STAG1: variants seen among roughly 807,000 people sequenced by gnomAD.
The protein encoded by STAG1 is cohesin subunit SA-1.
A neutral mutation model predicts 170.9 loss-of-function variants in STAG1; 26 were observed. The observed-to-expected ratio is 0.15, with a 90% CI of 0.11 to 0.21. The LOEUF (loss-of-function observed/expected upper bound fraction) is 0.21, where lower values mean the gene tolerates loss of function less well. Among genes scored for constraint, STAG1 ranks in the 10% least tolerant of loss-of-function variants. The probability of loss-of-function intolerance (pLI) is 1.00; values close to 1 mark genes in which losing one functional copy is unlikely to be tolerated. For synonymous variants in STAG1, 514 were observed against 497.7 expected, an observed-to-expected ratio of 1.03 and a Z score of -0.44; for missense variants, 964 against 1,509.5, an observed-to-expected ratio of 0.64 and a Z score of 5.99.
chr3:136,388,826 T>C (rs567073009), intron 22 of STAG1, among the ~76,000 whole-genome samples: 2 of 152,366 alleles, frequency 1.3e-5, no homozygotes, highest in East Asian at 1.9e-4. Flanking sequence ...CAGGATAAGA[T>C]ACCCATTTCT....
At chr3:136,727,741 G>A (rs1933768339) in intron 1 of STAG1, among the ~76,000 whole-genome samples, 1 of 152,126 alleles carries the variant, frequency 6.6e-6, no homozygotes, top group African/African-American at 2.4e-5. Flanking sequence ...AAAATGACCT[G>A]AGAATTACAT....
intron 1 of STAG1, among the ~76,000 whole-genome samples, chr3:136,674,680 T>C (rs1417945195): frequency 6.6e-6 from 1 of 152,242 alleles, no homozygotes; most frequent in Non-Finnish European, 1.5e-5. Context: ...AAAATAAGTA[T>C]CCTGATTGTG....
chr3:136,638,200 C>T (rs1940653205), intron 1 of STAG1, among the ~76,000 whole-genome samples: 1 of 151,266 alleles, frequency 6.6e-6, no homozygotes, highest in Admixed American at 6.6e-5. Context: ...GATCTCAGAT[C>T]TCAGCTCACT....
At position 136,604,476 on chromosome 3, in the gene STAG1, G is replaced by GA. The variant is rs1302672573; in HGVS notation, c.133-4dup. Reference sequence around the variant, plus strand: ...TTTCGAGGTTTCTTATTTGTAGACTGAAAAAAAGATAAAAAAAGATTCCAT... The same window carrying GA: ...TTTCGAGGTTTCTTATTTGTAGACTGAAAAAAAAGATAAAAAAAGATTCCAT... On this transcript the variant is annotated splice_region_variant and splice_polypyrimidine_tract_variant and intron_variant, in intron 3 of 33. Coordinates refer to ENST00000383202, the MANE Select transcript of STAG1 (RefSeq NM_005862.3). The GA allele has an allele frequency of 7.0e-6, 11 of 1,580,856 alleles. No individual in the cohort carries two copies. The highest frequency in any genetic ancestry group is 2.4e-5 in the South Asian group (2 of 85,000).
chr3:136,432,524 G>C (rs557821002), intron 16 of STAG1, among the ~76,000 whole-genome samples: 6 of 143,072 alleles, frequency 4.2e-5, no homozygotes, highest in South Asian at 4.9e-4. Flanking sequence ...TGGGGGGGGG[G>C]GGGCACAGAG....
At chr3:136,717,612 G>A (rs1163022141) in intron 1 of STAG1, among the ~76,000 whole-genome samples, 8 of 152,038 alleles carry the variant, frequency 5.3e-5, no homozygotes, top group South Asian at 2.1e-4. Flanking sequence ...TGCAGTGAGC[G>A]GAGATCGTGC....
rs970893245 is a variant in STAG1, at chr3:136,462,959, G to C, written c.1313+1922C>G. ...ATCTCATAAGTTTATTTTTCTCTCT[G>C]AAACTACAGAAGCAACAAATTATTT... On this transcript the variant is annotated intron_variant, in intron 13 of 33. Transcript: ENST00000383202. 2.0e-5 allele frequency among the ~76,000 whole-genome samples: 3 copies of C among 151,986 alleles called. No individual in the cohort carries two copies. The East Asian group carries it at 5.8e-4, about 29-fold the overall frequency.
At chr3:136,427,519 G>C (rs61789646) in intron 16 of STAG1, among the ~76,000 whole-genome samples, 6,158 of 152,134 alleles carry the variant, frequency 0.04, 156 homozygotes, top group East Asian at 0.13. Flanking sequence ...TGCTACTAGT[G>C]ATGCTGGAAG....
At position 136,540,225 on chromosome 3, in the gene STAG1, G is replaced by A. The variant is rs554924718; in HGVS notation, c.471+1894C>T. On this transcript the variant is annotated intron_variant, in intron 6 of 33. Transcript: ENST00000383202. Reference sequence around the variant, plus strand: ...ACAAAAGGAATAATATCTTCCTCAAGTGACAGAAGATAAAATGGATAGCCT... The same window carrying A: ...ACAAAAGGAATAATATCTTCCTCAAATGACAGAAGATAAAATGGATAGCCT... Among the ~76,000 whole-genome samples, 15 of 151,396 alleles carry A rather than the reference G, an allele frequency of 9.9e-5. No homozygotes were observed. In the South Asian group the frequency reaches 2.7e-3, roughly 27 times the overall value.
intron 1 of STAG1, among the ~76,000 whole-genome samples, chr3:136,722,403 T>C (rs1376785635): frequency 2.0e-5 from 3 of 151,882 alleles, no homozygotes; most frequent in Admixed American, 2.0e-4. Flanking sequence ...TTTTTCAACA[T>C]CTCCCAGAAA....
intron 4 of STAG1, among the ~76,000 whole-genome samples, chr3:136,592,661 C>A (rs187003132): frequency 2.7e-4 from 41 of 152,268 alleles, no homozygotes; most frequent in African/African-American, 9.4e-4. Flanking sequence ...CCACCAGGAC[C>A]ACTAAAATGA....
chr3:136,507,581 T>C (rs1486108562), intron 7 of STAG1, among the ~76,000 whole-genome samples: 3 of 152,074 alleles, frequency 2.0e-5, no homozygotes, highest in African/African-American at 7.2e-5. Context: ...TTGCCCAGGT[T>C]GGTCTTGAAC....
In STAG1 at chr3:136,485,526, G is replaced by A. The variant is rs531245946; in HGVS notation, c.903-8114C>T. 9.2e-5 allele frequency among the ~76,000 whole-genome samples: 14 copies of A among 152,212 alleles called. No individual in the cohort carries two copies. The East Asian group carries it at 1.5e-3, about 17-fold the overall frequency. ...TAGACCTACATAATACTGAACATGC[G>A]TGGGACAAGAATATTTCTTTTTTCA... On this transcript the variant is annotated intron_variant, in intron 9 of 33. Coordinates refer to ENST00000383202, the MANE Select transcript of STAG1 (RefSeq NM_005862.3).
At chr3:136,528,204 G>A in intron 6 of STAG1, among the ~76,000 whole-genome samples, 1 of 152,138 alleles carries the variant, frequency 6.6e-6, no homozygotes, top group East Asian at 1.9e-4. Flanking sequence ...AGGCAGACAG[G>A]CCTCCTTGAG....
chr3:136,471,571 C>G (rs117033321), intron 12 of STAG1, among the ~76,000 whole-genome samples: 1,692 of 152,160 alleles, frequency 0.011, 30 homozygotes, highest in East Asian at 0.049. Context: ...ATATTTAGTT[C>G]GTGATAGATG....
chr3:136,337,355 T>A lies in STAG1; in HGVS notation c.*899A>T, dbSNP rs1935724380. The A allele has an allele frequency of 6.6e-6, 1 of 151,992 alleles. No homozygotes were observed. The highest frequency in any genetic ancestry group is 1.9e-4 in the East Asian group (1 of 5,198). 9.4% of individuals were successfully genotyped at this position (151,992 alleles called of 1,614,324 possible). A position where few individuals can be genotyped will look rare whatever the true frequency, so the allele number is the denominator to read the frequency against. ...TGTGTAACTTGAATTTGGCAGGGCA[T>A]GAAATAAGTGGTAAAAACAGCAAAC... On this transcript the variant is annotated 3_prime_UTR_variant, in exon 34 of 34. Coordinates refer to ENST00000383202, the MANE Select transcript of STAG1 (RefSeq NM_005862.3).
intron 30 of STAG1, 53 bp from the exon 31 acceptor site, chr3:136,341,604 A>G: frequency 8.2e-7 from 1 of 1,222,044 alleles, no homozygotes; most frequent in Non-Finnish European, 1.2e-6. Flanking sequence ...GAATTTAGCT[A>G]ATGAGCCCCA....
At chr3:136,580,569 C>T (rs2107778131) in intron 4 of STAG1, among the ~76,000 whole-genome samples, 1 of 145,840 alleles carries the variant, frequency 6.9e-6, no homozygotes, top group African/African-American at 2.5e-5. Context: ...CTCTGTCGCC[C>T]AGGCCGGACT....
intron 1 of STAG1, among the ~76,000 whole-genome samples, chr3:136,697,516 C>T (rs1396270987): frequency 2.6e-5 from 4 of 152,152 alleles, no homozygotes; most frequent in Non-Finnish European, 5.9e-5. Context: ...TTTTTTTTAA[C>T]TCCCTAGATG....
Sources: allele counts gnomAD v4.1 joint callset (sites outside exome capture counted in the v4.1 genomes callset), GRCh38; gene constraint gnomAD v4.1.1; transcripts MANE v1.5; gene names NCBI Gene and HGNC (gene_info 2026-07-23, HGNC 2026-07-21).